NDFIP1: variants seen among roughly 807,000 people sequenced by gnomAD.
The protein encoded by NDFIP1 is Nedd4 family interacting protein 1.
In NDFIP1, 7 loss-of-function variants were observed where a neutral mutation model predicts 28.8. The observed-to-expected ratio is 0.24, with a 90% CI of 0.14 to 0.46. The LOEUF (loss-of-function observed/expected upper bound fraction) is 0.46, where lower values mean the gene tolerates loss of function less well. Among genes scored for constraint, NDFIP1 ranks in the 20% least tolerant of loss-of-function variants. The pLI, the probability that NDFIP1 is intolerant of heterozygous loss-of-function variation, is 0.99. For synonymous variants in NDFIP1, 92 were observed against 101.0 expected, an observed-to-expected ratio of 0.91 and a Z score of 0.53; for missense variants, 194 against 269.1, an observed-to-expected ratio of 0.72 and a Z score of 1.95.
At chr5:142,132,103 G>T in intron 2 of NDFIP1, 109 bp from the exon 3 acceptor site, 1 of 1,309,206 alleles carries the variant, frequency 7.6e-7, no homozygotes, top group Non-Finnish European at 1.1e-6. Flanking sequence ...CAATTGTTAT[G>T]TATGTACTCT....
intron 4 of NDFIP1, among the ~76,000 whole-genome samples, chr5:142,136,517 G>A (rs1237028193): frequency 2.6e-5 from 4 of 152,078 alleles, no homozygotes; most frequent in Admixed American, 1.3e-4. Context: ...CACTTTGGGA[G>A]GCCGAGGCAG....
At chr5:142,148,389 T>C (rs577798543) in intron 7 of NDFIP1, among the ~76,000 whole-genome samples, 7 of 152,330 alleles carry the variant, frequency 4.6e-5, no homozygotes, top group African/African-American at 1.7e-4. Flanking sequence ...TAAGCTGTTA[T>C]CTGTTTTCCT....
In NDFIP1 at chr5:142,131,913, G is replaced by A. The variant is rs761561160; in HGVS notation, c.151+18G>A. 1.9e-6 allele frequency: 3 copies of A among 1,561,254 alleles called. No individual in the cohort carries two copies. Among genetic ancestry groups the A allele is most frequent in the Non-Finnish European group, 1.7e-6 (2 of 1,160,502 alleles). The stretch of plus-strand genomic sequence containing the variant: ...GAGCGCAGGTAGGTAACAGGGCAAG[G>A]TGATCACGGAATCCTTAAAAACACT... On this transcript the variant is annotated intron_variant, in intron 2 of 7. Coordinates refer to ENST00000253814, the MANE Select transcript of NDFIP1 (RefSeq NM_030571.4).
In NDFIP1 at chr5:142,154,285, G is replaced by A. The variant is rs1179317671; in HGVS notation, c.*2557G>A. The A allele has an allele frequency of 3.3e-5, 5 of 152,372 alleles. No individual in the cohort carries two copies. Among genetic ancestry groups the A allele is most frequent in the Non-Finnish European group, 5.9e-5 (4 of 68,018 alleles). 9.4% of individuals were successfully genotyped at this position (152,372 alleles called of 1,614,324 possible). A position where few individuals can be genotyped will look rare whatever the true frequency, so the allele number is the denominator to read the frequency against. ...AGGACGACTAGGATTCACCCATAAC[G>A]ACACAGTGCCCTATGTTTCTTAACT... On this transcript the variant is annotated 3_prime_UTR_variant, in exon 8 of 8. Coordinates refer to ENST00000253814, the MANE Select transcript of NDFIP1 (RefSeq NM_030571.4).
At chr5:142,132,087 T>C in intron 2 of NDFIP1, 125 bp from the exon 3 acceptor site, 1 of 1,186,622 alleles carries the variant, frequency 8.4e-7, no homozygotes. Flanking sequence ...AGAATGTCTT[T>C]TGGTTCAATT....
intron 1 of NDFIP1, among the ~76,000 whole-genome samples, chr5:142,118,706 AATT>A (rs1165332453): frequency 6.6e-6 from 1 of 152,170 alleles, no homozygotes; most frequent in Admixed American, 6.5e-5. Flanking sequence ...TATTGACATG[AATT>A]ATTTGGAATT....
At chr5:142,141,912 C>T (rs1481245977) in intron 6 of NDFIP1, among the ~76,000 whole-genome samples, 1 of 152,090 alleles carries the variant, frequency 6.6e-6, no homozygotes, top group South Asian at 2.1e-4. Context: ...AGGAGGATTT[C>T]ACCTTGAGGC....
chr5:142,113,998 A>T (rs1266837808), intron 1 of NDFIP1, among the ~76,000 whole-genome samples: 1 of 152,222 alleles, frequency 6.6e-6, no homozygotes, highest in Non-Finnish European at 1.5e-5. Flanking sequence ...CATTGTGAGT[A>T]ATGCTGCTAT....
At chr5:142,123,316 A>G (rs911532835) in intron 1 of NDFIP1, among the ~76,000 whole-genome samples, 1 of 151,152 alleles carries the variant, frequency 6.6e-6, no homozygotes, top group Admixed American at 6.6e-5. Flanking sequence ...TATTTTTTTT[A>G]AGAGGCAGGG....
chr5:142,139,033 T>C (rs1336239910), intron 5 of NDFIP1, among the ~76,000 whole-genome samples: 2 of 151,762 alleles, frequency 1.3e-5, no homozygotes, highest in Non-Finnish European at 2.9e-5. Flanking sequence ...CTGGCTAACA[T>C]GGTGAAACCC....
Position 142,152,563 on chromosome 5 carries a change from G to T in NDFIP1, c.*835G>T, listed in dbSNP as rs1022363079. ...AGGCCAAAGTCTGGGAGTAAGGAGA[G>T]GATTAGGTACTTAGGAGCAAAGAAA... On this transcript the variant is annotated 3_prime_UTR_variant, in exon 8 of 8. Transcript: ENST00000253814. 2.7e-5 allele frequency: 4 copies of T among 148,042 alleles called. No homozygotes were observed. The highest frequency in any genetic ancestry group is 2.0e-4 in the East Asian group (1 of 4,956). 9.2% of individuals were successfully genotyped at this position (148,042 alleles called of 1,614,324 possible). A position where few individuals can be genotyped will look rare whatever the true frequency, so the allele number is the denominator to read the frequency against.
Position 142,117,728 on chromosome 5 carries a change from C to CTTTTT in NDFIP1, c.63+8705_63+8709dup, listed in dbSNP as rs10699168. Among the ~76,000 whole-genome samples the CTTTTT allele has an allele frequency of 3.9e-4, 45 of 116,076 alleles. 2 individuals carry two copies. The highest frequency in any genetic ancestry group is 8.1e-4 in the African/African-American group (24 of 29,682). 76.2% of individuals were successfully genotyped at this position (116,076 alleles called of 152,430 possible). A position where few individuals can be genotyped will look rare whatever the true frequency, so the allele number is the denominator to read the frequency against. ...TCAAGTTTGGTGTGTGTTCTACAGG[C>CTTTTT]TTTTTTTTTTTTTTTTTTGAGACAG... On this transcript the variant is annotated intron_variant, in intron 1 of 7. Transcript: ENST00000253814.
chr5:142,142,149 A>G (rs1292334522), intron 6 of NDFIP1, among the ~76,000 whole-genome samples: 2 of 151,814 alleles, frequency 1.3e-5, no homozygotes, highest in Admixed American at 1.3e-4. Flanking sequence ...AACAAAACAA[A>G]ACAGTTCAGG....
intron 7 of NDFIP1, among the ~76,000 whole-genome samples, chr5:142,151,494 C>G (rs1757445948): frequency 6.6e-6 from 1 of 152,176 alleles, no homozygotes; most frequent in Non-Finnish European, 1.5e-5. Flanking sequence ...CTCCTGACTT[C>G]AGGAGTTTTT....
In NDFIP1 at chr5:142,153,090, T is replaced by G. The variant is rs1300296723; in HGVS notation, c.*1362T>G. 3.0e-6 allele frequency: 1 copy of G among 337,304 alleles called. No individual in the cohort carries two copies. The highest frequency in any genetic ancestry group is 5.8e-6 in the Non-Finnish European group (1 of 171,240). The allele number at this position is 337,304 out of a possible 1,614,324, so 20.9% of individuals were successfully genotyped here. A position where few individuals can be genotyped will look rare whatever the true frequency, so the allele number is the denominator to read the frequency against. On this transcript the variant is annotated 3_prime_UTR_variant, in exon 8 of 8. Coordinates refer to ENST00000253814, the MANE Select transcript of NDFIP1 (RefSeq NM_030571.4). ...ATAATTTTAGATAATTTATTTCCAG[T>G]GTTTTCTGCATGTTCTCATTTGTTC...
intron 1 of NDFIP1, among the ~76,000 whole-genome samples, chr5:142,109,393 A>G (rs952556572): frequency 1.3e-5 from 2 of 152,204 alleles, no homozygotes; most frequent in Non-Finnish European, 2.9e-5. Context: ...GTCATTGGAA[A>G]AGAAAGAAAG....
chr5:142,109,624 T>A (rs1045345682), intron 1 of NDFIP1, among the ~76,000 whole-genome samples: 1 of 152,188 alleles, frequency 6.6e-6, no homozygotes, highest in African/African-American at 2.4e-5. Flanking sequence ...GCTGTGGTGA[T>A]GCCCCAAAAG....
intron 1 of NDFIP1, among the ~76,000 whole-genome samples, chr5:142,126,209 C>T (rs904777281): frequency 3.9e-5 from 6 of 152,146 alleles, no homozygotes; most frequent in African/African-American, 1.4e-4. Context: ...TGTAATTATA[C>T]TGCCTTGTTT....
At chr5:142,129,171 G>A (rs193161819) in intron 1 of NDFIP1, among the ~76,000 whole-genome samples, 9 of 152,358 alleles carry the variant, frequency 5.9e-5, no homozygotes, top group Admixed American at 3.3e-4. Flanking sequence ...CGAAAAGTCT[G>A]TATTTGCCTT....
Sources: allele counts gnomAD v4.1 joint callset (sites outside exome capture counted in the v4.1 genomes callset), GRCh38; gene constraint gnomAD v4.1.1; transcripts MANE v1.5; gene names NCBI Gene and HGNC (gene_info 2026-07-23, HGNC 2026-07-21).